The following GPC6 variants were observed in gnomAD, a reference collection of about 807,000 sequenced individuals.
The protein encoded by GPC6 is glypican-6.
A neutral mutation model predicts 55.2 loss-of-function variants in GPC6; 14 were observed. That is an observed-to-expected ratio of 0.25 (90% confidence interval 0.17 to 0.40). The LOEUF is 0.40. Ranked by LOEUF, GPC6 falls within the 10% of genes least tolerant of loss-of-function variation. The pLI is 1.00. For synonymous variants in GPC6, 278 were observed against 259.6 expected (o/e 1.07, Z -0.68); for missense variants, 641 against 708.5 (o/e 0.90, Z 1.08).
intron 3 of GPC6, among the ~76,000 whole-genome samples, chr13:93,849,133 C>T (rs1377903307): frequency 1.3e-5 from 2 of 152,106 alleles, no homozygotes; most frequent in African/African-American, 4.8e-5. Flanking sequence ...AGAGCAAGAA[C>T]TATTGCAATT....
chr13:93,974,663 G>A (rs1880438556), intron 3 of GPC6, among the ~76,000 whole-genome samples: 1 of 152,074 alleles, frequency 6.6e-6, no homozygotes, highest in Admixed American at 6.6e-5. Flanking sequence ...TTCTTGAATA[G>A]AGGTATATTT....
intron 4 of GPC6, among the ~76,000 whole-genome samples, chr13:94,113,743 G>A (rs1233897068): frequency 1.3e-5 from 2 of 151,900 alleles, no homozygotes; most frequent in Admixed American, 6.6e-5. Flanking sequence ...ACTATAGGCC[G>A]GGCATAGTAT....
At chr13:93,803,072 G>A (rs1226922105) in intron 2 of GPC6, among the ~76,000 whole-genome samples, 4 of 152,102 alleles carry the variant, frequency 2.6e-5, no homozygotes, top group Non-Finnish European at 5.9e-5. Context: ...TGCTGACATT[G>A]TTTAACCCGT....
chr13:93,715,178 C>G (rs1883208058), intron 2 of GPC6, among the ~76,000 whole-genome samples: 1 of 151,576 alleles, frequency 6.6e-6, no homozygotes, highest in Non-Finnish European at 1.5e-5. Flanking sequence ...CATCACAGCG[C>G]TATTCACAAA....
Position 93,292,714 on chromosome 13 carries a change from G to C in GPC6, c.160+65098G>C, listed in dbSNP as rs143361387. ...ATTAAAATACACAATTACTTTAAAT[G>C]TATAATTACCATCATTCTTTTCCCT... On this transcript the variant is annotated intron_variant, in intron 1 of 8. Coordinates refer to ENST00000377047, the MANE Select transcript of GPC6 (RefSeq NM_005708.5). Among the ~76,000 whole-genome samples the C allele has an allele frequency of 2.3e-3, 355 of 151,610 alleles. 15 individuals carry two copies. In the East Asian group the frequency reaches 0.062, roughly 26 times the overall value.
intron 2 of GPC6, among the ~76,000 whole-genome samples, chr13:93,677,850 G>A (rs1566482738): frequency 6.6e-6 from 1 of 152,084 alleles, no homozygotes; most frequent in Non-Finnish European, 1.5e-5. Flanking sequence ...TACACTGTGG[G>A]TGGCCCATGG....
At chr13:94,002,766 C>A (rs1881861478) in intron 3 of GPC6, among the ~76,000 whole-genome samples, 1 of 152,070 alleles carries the variant, frequency 6.6e-6, no homozygotes, top group South Asian at 2.1e-4. Flanking sequence ...TAATTAGTGG[C>A]AGCCCTTAAG....
At chr13:93,854,401 C>G (rs564442171) in intron 3 of GPC6, among the ~76,000 whole-genome samples, 1 of 151,720 alleles carries the variant, frequency 6.6e-6, no homozygotes, top group African/African-American at 2.4e-5. Context: ...CTGCAAAATG[C>G]TAGGGTATTT....
chr13:93,476,415 C>A (rs1413992027), intron 1 of GPC6, among the ~76,000 whole-genome samples: 1 of 152,048 alleles, frequency 6.6e-6, no homozygotes, highest in Non-Finnish European at 1.5e-5. Flanking sequence ...ATGTCAGTAG[C>A]TTTTTTTATG....
At chr13:93,915,033 A>C (rs568657347) in intron 3 of GPC6, among the ~76,000 whole-genome samples, 13 of 152,306 alleles carry the variant, frequency 8.5e-5, no homozygotes, top group African/African-American at 2.9e-4. Context: ...ACAAACTGAA[A>C]TAATCTTCCC....
chr13:93,757,689 C>T (rs1180297618), intron 2 of GPC6, among the ~76,000 whole-genome samples: 2 of 152,116 alleles, frequency 1.3e-5, no homozygotes, highest in Non-Finnish European at 2.9e-5. Context: ...AAGTCAACTC[C>T]TCAATTCCTA....
chr13:94,058,837 A>G, intron 4 of GPC6, among the ~76,000 whole-genome samples: 1 of 152,218 alleles, frequency 6.6e-6, no homozygotes, highest in East Asian at 1.9e-4. Flanking sequence ...CTGATAAGTT[A>G]GAAGCAGATA....
intron 4 of GPC6, among the ~76,000 whole-genome samples, chr13:94,166,693 A>T (rs896993770): frequency 7.9e-5 from 12 of 152,218 alleles, no homozygotes; most frequent in African/African-American, 2.9e-4. Context: ...ATCATCACTC[A>T]TAATAATACA....
At chr13:93,266,343 G>C (rs1486893546) in intron 1 of GPC6, among the ~76,000 whole-genome samples, 1 of 152,110 alleles carries the variant, frequency 6.6e-6, no homozygotes, top group East Asian at 1.9e-4. Flanking sequence ...AGCATGATTT[G>C]CTAATATTCA....
intron 3 of GPC6, among the ~76,000 whole-genome samples, chr13:93,857,092 C>T (rs1040770721): frequency 6.6e-6 from 1 of 151,604 alleles, no homozygotes; most frequent in Non-Finnish European, 1.5e-5. Context: ...CATTTTGTCA[C>T]TAACATCACC....
chr13:94,084,812 G>A (rs1214830454), intron 4 of GPC6, among the ~76,000 whole-genome samples: 4 of 152,192 alleles, frequency 2.6e-5, no homozygotes, highest in African/African-American at 9.6e-5. Flanking sequence ...GCAGTGCTGA[G>A]TCACTTGAAG....
intron 4 of GPC6, among the ~76,000 whole-genome samples, chr13:94,256,808 C>A (rs940570036): frequency 6.6e-6 from 1 of 152,178 alleles, no homozygotes; most frequent in African/African-American, 2.4e-5. Flanking sequence ...ACTCACCAAG[C>A]AACCCATTAT....
rs151326694 is a variant in GPC6 at position 93,769,712 on chromosome 13, G to A, written c.320-60442G>A. Among the ~76,000 whole-genome samples the A allele has an allele frequency of 2.2e-3, 337 of 152,310 alleles. 7 individuals are homozygous for A. In the East Asian group the frequency reaches 0.054, roughly 25 times the overall value. ...TATGGGTGGCTTGGCACCTCAACCA[G>A]ATGGGAATTAAGTGGAAGGCAGAAG... On this transcript the variant is annotated intron_variant, in intron 2 of 8. Transcript: ENST00000377047.
chr13:93,948,579 A>G (rs1566617784), intron 3 of GPC6, among the ~76,000 whole-genome samples: 2 of 152,220 alleles, frequency 1.3e-5, no homozygotes, highest in African/African-American at 2.4e-5. Flanking sequence ...AGTATGTTTT[A>G]TAGCAGAAAT....
Sources: gnomAD v4.1 joint callset for allele counts (sites outside exome capture counted in the v4.1 genomes callset) on GRCh38, gnomAD v4.1.1 for gene constraint, MANE v1.5 for transcripts, NCBI Gene and HGNC (gene_info 2026-07-23, HGNC 2026-07-21) for gene names.